The following CYTH2 variants were observed in gnomAD, a reference collection of about 807,000 sequenced individuals.
CYTH2 encodes cytohesin-2.
Under a neutral mutation model 55.4 loss-of-function variants are expected in CYTH2, and 24 were observed. The ratio of observed to expected loss-of-function variants is 0.43; its 90% CI spans 0.31 to 0.61. The LOEUF is 0.61. Among genes scored for constraint, CYTH2 ranks in the 20% least tolerant of loss-of-function variants. The probability of loss-of-function intolerance (pLI) is 0.08; values close to 1 mark genes in which losing one functional copy is unlikely to be tolerated. For synonymous variants in CYTH2, 221 were observed against 209.6 expected (o/e 1.05, Z -0.47); for missense variants, 378 against 533.5 (o/e 0.71, Z 2.87).
rs868169177 is a variant in CYTH2, at chr19:48,469,431, C to T, written c.-77C>T. ...CCCGGGGCGTTTGAGCGGGCTCACCCGAGCCCGCGGGCCAACGCGGATCCA... is the reference window on the plus strand; with the variant it reads ...CCCGGGGCGTTTGAGCGGGCTCACCTGAGCCCGCGGGCCAACGCGGATCCA... On this transcript the variant is annotated 5_prime_UTR_variant, in exon 1 of 12. Coordinates refer to ENST00000452733, the MANE Select transcript of CYTH2 (RefSeq NM_004228.7). The T allele has an allele frequency of 1.5e-6, 2 of 1,303,078 alleles. No homozygotes were observed. Among genetic ancestry groups the T allele is most frequent in the African/African-American group, 1.6e-5 (1 of 64,348 alleles). The allele number at this position is 1,303,078 out of a possible 1,614,324, so 80.7% of individuals were successfully genotyped here.
rs1972015762 is a variant in CYTH2 at position 48,479,867 on chromosome 19, A to G, written c.*657A>G. ...AGTGGGGAGGTGGCCCATGTCCTGC[A>G]AGGGCCTTGCTGATGGGATGTCCTG... On this transcript the variant is annotated 3_prime_UTR_variant, in exon 12 of 12. Transcript: ENST00000452733. 1 of 148,930 alleles carries G rather than the reference A, an allele frequency of 6.7e-6. No homozygotes were observed. Among genetic ancestry groups the G allele is most frequent in the Admixed American group, 6.7e-5 (1 of 14,936 alleles). 9.2% of individuals were successfully genotyped at this position (148,930 alleles called of 1,614,324 possible). A position where few individuals can be genotyped will look rare whatever the true frequency, so the allele number is the denominator to read the frequency against.
intron 1 of CYTH2, 192 bp from the exon 2 acceptor site, chr19:48,470,161 C>T: frequency 2.2e-6 from 2 of 911,488 alleles, no homozygotes; most frequent in East Asian, 5.0e-5. Context: ...CCCTTGTCCC[C>T]CAGGACTCAA....
chr19:48,477,612 G>T (rs1199119406), intron 8 of CYTH2: 1 of 174,462 alleles, frequency 5.7e-6, no homozygotes, highest in African/African-American at 2.4e-5. Context: ...ACCCCTCCCT[G>T]TGCCCACCCT....
chr19:48,472,180 T>C (rs746658684), intron 3 of CYTH2, 145 bp from the exon 4 acceptor site: 10 of 672,150 alleles, frequency 1.5e-5, no homozygotes, highest in Non-Finnish European at 2.3e-5. Context: ...GGAAGAATGC[T>C]ATTTAAGACC....
In CYTH2 at chr19:48,479,212, C is replaced by A. The variant is rs748650180; in HGVS notation, c.*2C>A. The A allele has an allele frequency of 1.2e-6, 2 of 1,613,936 alleles. No homozygotes were observed. The highest frequency in any genetic ancestry group is 8.5e-7 in the Non-Finnish European group (1 of 1,179,892). On this transcript the variant is annotated 3_prime_UTR_variant, in exon 12 of 12. Coordinates refer to ENST00000452733, the MANE Select transcript of CYTH2 (RefSeq NM_004228.7). The stretch of plus-strand genomic sequence containing the variant: ...AAGAAGAAGCAGGAGCAGCCCTGAC[C>A]CCCTGCCCCCAACTCCATTATTTAT...
rs1209963770 is a variant in CYTH2, at chr19:48,480,077, G to T, written c.*867G>T. The T allele has an allele frequency of 6.6e-6, 1 of 152,236 alleles. No individual in the cohort carries two copies. Among genetic ancestry groups the T allele is most frequent in the Non-Finnish European group, 1.5e-5 (1 of 68,056 alleles). 9.4% of individuals were successfully genotyped at this position (152,236 alleles called of 1,614,324 possible). ...TGACAGCCAAAGAAATTCGAGGATC[G>T]CCTCTATGAAGGTGAAGTCTTGGCA... is the stretch of plus-strand genomic sequence containing the variant. On this transcript the variant is annotated 3_prime_UTR_variant, in exon 12 of 12. Transcript: ENST00000452733.
At chr19:48,470,024 A>G (rs2147501427) in intron 1 of CYTH2, 1 of 587,642 alleles carries the variant, frequency 1.7e-6, no homozygotes, top group South Asian at 1.5e-5. Context: ...CAGAAAACCA[A>G]GGCCTCAGTC....
rs1601031321 is a variant in CYTH2, at chr19:48,480,365, C to A, written c.*1155C>A. On this transcript the variant is annotated 3_prime_UTR_variant, in exon 12 of 12. Transcript: ENST00000452733. ...AGGCGTGCCGCGAGTTGTAGTCCCT[C>A]CTGCCCGCTGTGTTCGCTTTTGAGC... 6.6e-6 allele frequency: 1 copy of A among 152,232 alleles called. No homozygotes were observed. The highest frequency in any genetic ancestry group is 1.5e-5 in the Non-Finnish European group (1 of 68,032). The allele number at this position is 152,232 out of a possible 1,614,324, so 9.4% of individuals were successfully genotyped here. A position where few individuals can be genotyped will look rare whatever the true frequency, so the allele number is the denominator to read the frequency against.
intron 5 of CYTH2, 74 bp downstream of exon 5, chr19:48,473,452 T>G: frequency 1.3e-6 from 2 of 1,488,464 alleles, no homozygotes; most frequent in Non-Finnish European, 1.9e-6. Context: ...GTGACAAACC[T>G]TACTCAAGAA....
rs533419382 is a variant in CYTH2 at position 48,481,971 on chromosome 19, C to T, written c.*2761C>T. ...GGAGTCCTCATGGATAGATTAATGC[C>T]TGCCTTAAGGGGTGAGTGAGTGCTC... On this transcript the variant is annotated 3_prime_UTR_variant, in exon 12 of 12. Transcript: ENST00000452733. The T allele has an allele frequency of 1.3e-5, 2 of 152,310 alleles. No homozygotes were observed. The highest frequency in any genetic ancestry group is 4.8e-5 in the African/African-American group (2 of 41,384). 9.4% of individuals were successfully genotyped at this position (152,310 alleles called of 1,614,324 possible).
chr19:48,471,166 T>TTGTGTGTGTGTGTGTGTG lies in CYTH2; in HGVS notation c.234+511_234+512insTGTGTGTGTGTGTGTGTG, dbSNP rs372484993. 5.7e-3 allele frequency among the ~76,000 whole-genome samples: 861 copies of TTGTGTGTGTGTGTGTGTG among 150,646 alleles called. 13 individuals carry two copies. Among genetic ancestry groups the TTGTGTGTGTGTGTGTGTG allele is most frequent in the African/African-American group, 0.021 (827 of 40,240 alleles). ...GGAAAGGCTTTTGTTCACCTACTCTTTGTGTGTGTGTGTGAGACAGAGTCT... is the reference window on the plus strand; with the variant it reads ...GGAAAGGCTTTTGTTCACCTACTCTTTGTGTGTGTGTGTGTGTGTGTGTGTGTGTGTGAGACAGAGTCT... On this transcript the variant is annotated intron_variant, in intron 3 of 11. Coordinates refer to ENST00000452733, the MANE Select transcript of CYTH2 (RefSeq NM_004228.7).
chr19:48,476,022 G>A (rs1971906039), intron 8 of CYTH2: 1 of 519,650 alleles, frequency 1.9e-6, no homozygotes, highest in East Asian at 5.5e-5. Flanking sequence ...AGGCTTCTTG[G>A]AAGGAGGTTG....
intron 3 of CYTH2, among the ~76,000 whole-genome samples, chr19:48,471,623 G>T (rs1248907801): frequency 6.6e-6 from 1 of 152,222 alleles, no homozygotes; most frequent in Admixed American, 6.5e-5. Flanking sequence ...AGAGGTCTTC[G>T]TAGCACAGAG....
Position 48,478,175 on chromosome 19 carries a change from T to G in CYTH2, c.885+30T>G, listed in dbSNP as rs199613919. The G allele has an allele frequency of 1.2e-5, 19 of 1,613,006 alleles. No individual in the cohort carries two copies. The African/African-American group carries it at 2.3e-4, about 19-fold the overall frequency. Reference sequence around the variant, plus strand: ...GCGTGACCCGACCCGGGCTCTGGGGTCCTGGGCGGAGTGGCTGGGAGCCTG... The same window carrying G: ...GCGTGACCCGACCCGGGCTCTGGGGGCCTGGGCGGAGTGGCTGGGAGCCTG... On this transcript the variant is annotated intron_variant, in intron 9 of 11. Coordinates refer to ENST00000452733, the MANE Select transcript of CYTH2 (RefSeq NM_004228.7).
intron 3 of CYTH2, among the ~76,000 whole-genome samples, chr19:48,471,886 G>C (rs1490238167): frequency 1.3e-5 from 2 of 152,028 alleles, no homozygotes; most frequent in Non-Finnish European, 2.9e-5. Flanking sequence ...CTCATCTCTA[G>C]AAAAAATATA....
At chr19:48,477,971 C>A (rs1466869646) in intron 8 of CYTH2, 98 bp from the exon 9 acceptor site, 4 of 961,138 alleles carry the variant, frequency 4.2e-6, no homozygotes, top group Non-Finnish European at 6.5e-6. Context: ...AGGAGCCCCA[C>A]CTCTACCGCT....
In CYTH2 at chr19:48,472,322, C is replaced by T. The variant is rs1416351640; in HGVS notation, c.235-3C>T. Reference sequence around the variant, plus strand: ...GCACTGAGACCTTGTCCCCACCCACCAGGGGATCCAGTTCTTGGTGGAGAA... The same window carrying T: ...GCACTGAGACCTTGTCCCCACCCACTAGGGGATCCAGTTCTTGGTGGAGAA... On this transcript the variant is annotated splice_region_variant and splice_polypyrimidine_tract_variant and intron_variant, in intron 3 of 11. Transcript: ENST00000452733. 1 of 1,613,772 alleles carries T rather than the reference C, an allele frequency of 6.2e-7. No homozygotes were observed. The highest frequency in any genetic ancestry group is 8.5e-7 in the Non-Finnish European group (1 of 1,179,890).
rs772720925 is a variant in CYTH2, at chr19:48,479,218, C to T, written c.*8C>T. On this transcript the variant is annotated 3_prime_UTR_variant, in exon 12 of 12. Coordinates refer to ENST00000452733, the MANE Select transcript of CYTH2 (RefSeq NM_004228.7). ...AAGCAGGAGCAGCCCTGACCCCCTG[C>T]CCCCAACTCCATTATTTATTACGGA... The T allele has an allele frequency of 1.4e-5, 22 of 1,613,942 alleles. No homozygotes were observed. The highest frequency in any genetic ancestry group is 3.3e-5 in the South Asian group (3 of 91,082).
chr19:48,474,625 C>G lies in CYTH2; in HGVS notation c.697-213C>G, dbSNP rs1971872316. Among the ~76,000 whole-genome samples the G allele has an allele frequency of 6.6e-6, 1 of 152,066 alleles. No individual in the cohort carries two copies. The highest frequency in any genetic ancestry group is 1.5e-5 in the Non-Finnish European group (1 of 68,014). On this transcript the variant is annotated intron_variant, in intron 7 of 11. Coordinates refer to ENST00000452733, the MANE Select transcript of CYTH2 (RefSeq NM_004228.7). This position sits in a 1 kb window ranked among gnomAD's most constrained non-coding sequence, Gnocchi z 4.9. Reference sequence around the variant, plus strand: ...TCTGTCTGTTTCTCTGAGGACGTAGCCGGCTCCTCCACCTATCACCAGGGC... The same window carrying G: ...TCTGTCTGTTTCTCTGAGGACGTAGGCGGCTCCTCCACCTATCACCAGGGC...
Sources: allele counts gnomAD v4.1 joint callset (sites outside exome capture counted in the v4.1 genomes callset), GRCh38; gene constraint gnomAD v4.1.1; non-coding constraint Gnocchi (gnomAD v3.1); transcripts MANE v1.5; gene names NCBI Gene and HGNC (gene_info 2026-07-23, HGNC 2026-07-21).